CSRNP1: variants seen among roughly 807,000 people sequenced by gnomAD.
CSRNP1 encodes cysteine and serine rich nuclear protein 1.
A neutral mutation model predicts 25.0 loss-of-function variants in CSRNP1; 8 were observed. That is an observed-to-expected ratio of 0.32 (90% CI 0.19 to 0.58). The LOEUF (loss-of-function observed/expected upper bound fraction) is 0.58, where lower values mean the gene tolerates loss of function less well. Among genes scored for constraint, CSRNP1 ranks in the 20% least tolerant of loss-of-function variants. The pLI is 0.88. For missense variants in CSRNP1, 691 were observed against 773.1 expected (o/e 0.89, Z 1.26); for synonymous variants, 305 against 303.1 (o/e 1.01, Z -0.06).
chr3:39,144,409 G>C lies in CSRNP1; in HGVS notation c.508C>G (p.Pro170Ala). ...GVPQAEAGLP[P>A]VVDAIDDASV... ...GCGTCATCAATGGCATCCACCACAGGTGGCAGCCCTGCCTCTGCCTGGGGT... is the reference window on the plus strand; with the variant it reads ...GCGTCATCAATGGCATCCACCACAGCTGGCAGCCCTGCCTCTGCCTGGGGT... The change falls in exon 4 of 5, where the codon CCT (proline) becomes GCT (alanine). Residue 170 changes from proline to alanine, a missense_variant. Physicochemically the swap from Pro to Ala is conservative, Grantham distance 27. Transcript: ENST00000273153. The C allele has an allele frequency of 6.2e-7, 1 of 1,611,426 alleles. No homozygotes were observed. The highest frequency in any genetic ancestry group is 2.2e-5 in the East Asian group (1 of 44,796).
rs1255700237 is a variant in CSRNP1 at position 39,142,787 on chromosome 3, C to G, written c.*268G>C. On this transcript the variant is annotated 3_prime_UTR_variant, in exon 5 of 5. Transcript: ENST00000273153. ...GAGCCACATTTTCTCCTCTTCCAGG[C>G]TCACGTTGTGGAGATAGAAGAGCAA... The G allele has an allele frequency of 2.9e-6, 1 of 348,094 alleles. No homozygotes were observed. The highest frequency in any genetic ancestry group is 4.7e-5 in the East Asian group (1 of 21,300). 21.6% of individuals were successfully genotyped at this position (348,094 alleles called of 1,614,324 possible). A position where few individuals can be genotyped will look rare whatever the true frequency, so the allele number is the denominator to read the frequency against.
upstream of CSRNP1, chr3:39,153,775 C>A (rs1415242340): frequency 1.3e-5 from 2 of 151,874 alleles, no homozygotes; most frequent in Admixed American, 6.6e-5. Context: ...GACTGTGACC[C>A]GGCGACTGCG....
At chr3:39,144,513 G>T (rs1337285973) in intron 3 of CSRNP1, 62 bp from the exon 4 acceptor site, 2 of 1,487,796 alleles carry the variant, frequency 1.3e-6, no homozygotes, top group Admixed American at 2.0e-5. Context: ...TAGCCCTACT[G>T]TCACTAGACA....
At chr3:39,153,861 C>G (rs1211622591), upstream of CSRNP1, 1 of 152,210 alleles carries the variant, frequency 6.6e-6, no homozygotes, top group Non-Finnish European at 1.5e-5. Context: ...TCCCTAAAGG[C>G]GCGGACGACT....
At chr3:39,144,666 T>TC (rs1252907385) in intron 3 of CSRNP1, among the ~76,000 whole-genome samples, 1 of 150,754 alleles carries the variant, frequency 6.6e-6, no homozygotes, top group Non-Finnish European at 1.5e-5. Flanking sequence ...CTCATGGCAT[T>TC]CCCTAGATCA....
rs1406097510 is a variant in CSRNP1, at chr3:39,142,890, A to T, written c.*165T>A. On this transcript the variant is annotated 3_prime_UTR_variant, in exon 5 of 5. Transcript: ENST00000273153. ...TCCTCTCTTCAGCACAGAAAAGTTAAAACAAATAAATAAATCCAGAGAATT... is the reference window on the plus strand; with the variant it reads ...TCCTCTCTTCAGCACAGAAAAGTTATAACAAATAAATAAATCCAGAGAATT... The T allele has an allele frequency of 4.8e-5, 41 of 849,820 alleles. No individual in the cohort carries two copies. The South Asian group carries it at 7.7e-4, about 16-fold the overall frequency. The allele number at this position is 849,820 out of a possible 1,614,324, so 52.6% of individuals were successfully genotyped here.
Position 39,144,347 on chromosome 3 carries a change from A to T in CSRNP1, c.570T>A (p.Gly190=), listed in dbSNP as rs200004556. Residue 190 remains glycine (G), a synonymous_variant, in exon 4 of 5, where the codon GGT becomes GGA. Coordinates refer to ENST00000273153, the MANE Select transcript of CSRNP1 (RefSeq NM_033027.4). ...VEEDLAVAVA[G]GRLEEVSFLQ... ...GGAAGCTCACTTCTTCCAACCGGCC[A>T]CCTGCCACAGCGACTGCCAAGTCCT... 3 of 1,612,252 alleles carry T rather than the reference A, an allele frequency of 1.9e-6. No homozygotes were observed. The African/African-American group carries it at 4.0e-5, about 22-fold the overall frequency.
rs746214865 is a variant in CSRNP1 at position 39,153,495 on chromosome 3, C to T, written c.-98G>A. On this transcript the variant is annotated 5_prime_UTR_variant, in exon 1 of 5. Coordinates refer to ENST00000273153, the MANE Select transcript of CSRNP1 (RefSeq NM_033027.4). ...GCGACCCGCGTCCCGGCCGGGGACG[C>T]CCCCTGCGCCGCGACTCTGTGCGCT... 28 of 294,906 alleles carry T rather than the reference C, an allele frequency of 9.5e-5. 1 individual carries two copies. Among genetic ancestry groups the T allele is most frequent in the Middle Eastern group, 6.8e-4 (1 of 1,478 alleles). The allele number at this position is 294,906 out of a possible 1,614,324, so 18.3% of individuals were successfully genotyped here.
chr3:39,143,649 T>C lies in CSRNP1; in HGVS notation c.1176A>G (p.Ala392=), dbSNP rs757548542. The change falls in exon 5 of 5, where the codon GCA becomes GCG. Residue 392 remains alanine, a synonymous_variant. Transcript: ENST00000273153. ...FQPGVDDDSL[A]RILSFSDSDF... ...CAGAGTCACTGAAACTCAAGATGCG[T>C]GCCAGGCTGTCATCATCAACGCCAG... 3.7e-6 allele frequency: 6 copies of C among 1,614,016 alleles called. No individual in the cohort carries two copies. The African/African-American group carries it at 8.0e-5, about 22-fold the overall frequency.
intron 3 of CSRNP1, 106 bp from the exon 4 acceptor site, chr3:39,144,557 G>A (rs2039478159): frequency 4.5e-6 from 5 of 1,122,130 alleles, no homozygotes; most frequent in African/African-American, 1.6e-5. Flanking sequence ...CCCACTACTC[G>A]TGCTTAATCT....
Position 39,143,762 on chromosome 3 carries a change from A to C in CSRNP1, c.1063T>G (p.Ser355Ala). ...GATGCTGATGAAGATGCTGTAGAAGAATCAGTCATGTCGCTGCTGCAGCTG... is the reference window on the plus strand; with the variant it reads ...GATGCTGATGAAGATGCTGTAGAAGCATCAGTCATGTCGCTGCTGCAGCTG... ...DNSCSSDMTDSSTASSSASGT... is the reference protein window; with the variant it reads ...DNSCSSDMTDASTASSSASGT... The change falls in exon 5 of 5, where the codon TCT becomes GCT. Residue 355 changes from serine to alanine, a missense_variant. Ser to Ala is a moderately conservative substitution (Grantham distance 99). Transcript: ENST00000273153. The C allele has an allele frequency of 6.2e-7, 1 of 1,614,076 alleles. No individual in the cohort carries two copies. The highest frequency in any genetic ancestry group is 8.5e-7 in the Non-Finnish European group (1 of 1,179,960).
At chr3:39,144,726 A>G (rs554556580) in intron 3 of CSRNP1, among the ~76,000 whole-genome samples, 1 of 151,362 alleles carries the variant, frequency 6.6e-6, no homozygotes, top group Admixed American at 6.6e-5. Flanking sequence ...CCTCCAGTTC[A>G]TATCAACTTC....
In CSRNP1 at chr3:39,143,878, GCAGGGGCCTCCAGCTCCCTAAAGCTCT is replaced by G. The variant is rs1559730589; in HGVS notation, c.920_946del (p.Glu307_Pro315del). Reference sequence around the variant, plus strand: ...ACCAGGGCTGGGTGGGCTGCCCTGGGCAGGGGCCTCCAGCTCCCTAAAGCTCTCAGCCTCCTGTTCCAACTGCAGGCG... The same window carrying G: ...ACCAGGGCTGGGTGGGCTGCCCTGGGCAGCCTCCTGTTCCAACTGCAGGCG... On this transcript the variant is annotated inframe_deletion, in exon 5 of 5. Transcript: ENST00000273153. The G allele has an allele frequency of 2.5e-6, 4 of 1,614,092 alleles. No individual in the cohort carries two copies.
chr3:39,144,927 C>T lies in CSRNP1; in HGVS notation c.465+70G>A, dbSNP rs201210294. The T allele has an allele frequency of 3.0e-4, 433 of 1,464,386 alleles. 5 individuals carry two copies. The East Asian group carries it at 7.4e-3, about 25-fold the overall frequency. 90.7% of individuals were successfully genotyped at this position (1,464,386 alleles called of 1,614,324 possible). A position where few individuals can be genotyped will look rare whatever the true frequency, so the allele number is the denominator to read the frequency against. ...AGCAAGTCAGCACCCACCCCTGGTA[C>T]GCCCACCCCTCAAGGTTAGGACTCC... On this transcript the variant is annotated intron_variant, in intron 3 of 4. Transcript: ENST00000273153.
chr3:39,146,771 T>C, intron 1 of CSRNP1, 49 bp from the exon 2 acceptor site: 3 of 1,510,202 alleles, frequency 2.0e-6, no homozygotes, highest in Non-Finnish European at 2.7e-6. Context: ...CAGCAGCAGG[T>C]GGACTTCCAG....
chr3:39,144,875 C>T (rs955584577), intron 3 of CSRNP1, 122 bp downstream of exon 3: 2 of 1,219,038 alleles, frequency 1.6e-6, no homozygotes, highest in Non-Finnish European at 2.2e-6. Context: ...ACCAGGCCCA[C>T]AGGCCTGTTT....
intron 1 of CSRNP1, chr3:39,149,181 T>A (rs1215577015): frequency 5.3e-5 from 8 of 149,788 alleles, no homozygotes; most frequent in Non-Finnish European, 1.0e-4. Flanking sequence ...CTCACAGACA[T>A]CATGCTGAGT....
In CSRNP1 at chr3:39,153,419, G is replaced by T. The variant is rs1299942512; in HGVS notation, c.-41+19C>A. 3.3e-6 allele frequency: 1 copy of T among 300,194 alleles called. No homozygotes were observed. The highest frequency in any genetic ancestry group is 6.9e-6 in the Non-Finnish European group (1 of 144,088). The allele number at this position is 300,194 out of a possible 1,614,324, so 18.6% of individuals were successfully genotyped here. The stretch of plus-strand genomic sequence containing the variant: ...CCCAAAGTCCCGTCCTGCCGGGCCC[G>T]AGGCCCCTCGGCGCTCACCTGCAAT... On this transcript the variant is annotated intron_variant, in intron 1 of 4. Coordinates refer to ENST00000273153, the MANE Select transcript of CSRNP1 (RefSeq NM_033027.4).
Position 39,144,853 on chromosome 3 carries a change from A to G in CSRNP1, c.465+144T>C, listed in dbSNP as rs997114549. 62 of 1,024,832 alleles carry G rather than the reference A, an allele frequency of 6.0e-5. 1 individual carries two copies. Among genetic ancestry groups the G allele is most frequent in the Non-Finnish European group, 8.3e-5 (60 of 720,548 alleles). The allele number at this position is 1,024,832 out of a possible 1,614,324, so 63.5% of individuals were successfully genotyped here. On this transcript the variant is annotated intron_variant, in intron 3 of 4. Coordinates refer to ENST00000273153, the MANE Select transcript of CSRNP1 (RefSeq NM_033027.4). The stretch of plus-strand genomic sequence containing the variant: ...CAGACAACCCAGGCAACAGGCTCCA[A>G]TCAAGCCAATCACCAGGCCCACAGG...
Sources: gnomAD v4.1 joint callset for allele counts (sites outside exome capture counted in the v4.1 genomes callset) on GRCh38, gnomAD v4.1.1 for gene constraint, MANE v1.5 for transcripts, NCBI Gene and HGNC (gene_info 2026-07-23, HGNC 2026-07-21) for gene names.